Variants in PCDHGA10 observed in about 807,000 individuals in gnomAD.
PCDHGA10 encodes the protein protocadherin gamma subfamily A, 10.
PCDHGA10 carries 42 observed loss-of-function variants against 59.5 expected under a neutral mutation model. The ratio of observed to expected loss-of-function variants is 0.71; its 90% CI spans 0.55 to 0.91. The LOEUF is 0.91. Ranked by LOEUF, PCDHGA10 falls within the 40% of genes least tolerant of loss-of-function variation. PCDHGA10 has a pLI of 0.00. For missense variants in PCDHGA10, 1,111 were observed against 1,198.2 expected (o/e 0.93, Z 1.07); for synonymous variants, 511 against 517.2 (o/e 0.99, Z 0.16).
chr5:141,476,459 C>T lies in PCDHGA10; in HGVS notation c.2437-18348C>T. On this transcript the variant is annotated intron_variant, in intron 1 of 3. Coordinates refer to ENST00000398610, the MANE Select transcript of PCDHGA10 (RefSeq NM_018913.3). The surrounding 1 kb of genome is among the most constrained non-coding windows in gnomAD (Gnocchi z 7.6). ...AACTCTGGAGTTGGTAGTGGAGAACCCGCTGGAGCTGTTCAGCGTGGAAGT... is the reference window on the plus strand; with the variant it reads ...AACTCTGGAGTTGGTAGTGGAGAACTCGCTGGAGCTGTTCAGCGTGGAAGT... 6.2e-7 allele frequency: 1 copy of T among 1,614,048 alleles called. No individual in the cohort carries two copies. Among genetic ancestry groups the T allele is most frequent in the Non-Finnish European group, 8.5e-7 (1 of 1,180,006 alleles).
At position 141,494,693 on chromosome 5, in the gene PCDHGA10, G is replaced by A. The variant is rs2099756182; in HGVS notation, c.2437-114G>A. The A allele has an allele frequency of 5.0e-6, 8 of 1,585,786 alleles. No individual in the cohort carries two copies. In the South Asian group the frequency reaches 6.8e-5, roughly 13 times the overall value. ...GTCCACCCCTGCCCCCTCTTAGTCC[G>A]TTTTCTTCTCTGTGCCCACTCCCCT... is the stretch of plus-strand genomic sequence containing the variant. On this transcript the variant is annotated intron_variant, in intron 1 of 3. Transcript: ENST00000398610.
chr5:141,477,630 T>G lies in PCDHGA10; in HGVS notation c.2437-17177T>G. The G allele has an allele frequency of 6.2e-7, 1 of 1,614,228 alleles. No homozygotes were observed. The highest frequency in any genetic ancestry group is 8.5e-7 in the Non-Finnish European group (1 of 1,180,042). ...TTGGAGCAAGGAGCTGAAACCGGGC[T>G]AGTGGGTCGCTATTTCACAATAAAT... On this transcript the variant is annotated intron_variant, in intron 1 of 3. Coordinates refer to ENST00000398610, the MANE Select transcript of PCDHGA10 (RefSeq NM_018913.3). The surrounding 1 kb of genome is among the most constrained non-coding windows in gnomAD (Gnocchi z 4.9).
chr5:141,421,650 A>G, intron 1 of PCDHGA10: 1 of 1,613,868 alleles, frequency 6.2e-7, no homozygotes, highest in South Asian at 1.1e-5. Flanking sequence ...AAGTGGAGAT[A>G]AAAGTCAGTG....
In PCDHGA10 at chr5:141,511,829, G is replaced by A. The variant is rs1181369164; in HGVS notation, c.*656G>A. 1 of 156,774 alleles carries A rather than the reference G, an allele frequency of 6.4e-6. No individual in the cohort carries two copies. Among genetic ancestry groups the A allele is most frequent in the Non-Finnish European group, 1.4e-5 (1 of 70,652 alleles). The allele number at this position is 156,774 out of a possible 1,614,324, so 9.7% of individuals were successfully genotyped here. Reference sequence around the variant, plus strand: ...TACCAAGCCTCTTCCCAACGCCCTGGGGACCAGTCTTCTGTTTTGTTTTTC... The same window carrying A: ...TACCAAGCCTCTTCCCAACGCCCTGAGGACCAGTCTTCTGTTTTGTTTTTC... On this transcript the variant is annotated 3_prime_UTR_variant, in exon 4 of 4. Transcript: ENST00000398610.
chr5:141,438,789 G>C (rs970735448), intron 1 of PCDHGA10, among the ~76,000 whole-genome samples: 23 of 149,578 alleles, frequency 1.5e-4, no homozygotes, highest in African/African-American at 5.4e-4. Flanking sequence ...AGCCTCTCCA[G>C]TAGCTGGGAT....
intron 1 of PCDHGA10, among the ~76,000 whole-genome samples, chr5:141,453,258 T>A (rs1336801456): frequency 1.6e-4 from 25 of 152,096 alleles, no homozygotes; most frequent in Admixed American, 1.6e-3. Flanking sequence ...GGGCTGCAAG[T>A]GCACACCACC....
At chr5:141,484,120 C>A (rs1158603108) in intron 1 of PCDHGA10, among the ~76,000 whole-genome samples, 1 of 152,146 alleles carries the variant, frequency 6.6e-6, no homozygotes, top group African/African-American at 2.4e-5. Flanking sequence ...ATCAAGAATA[C>A]CTTGGTGTCA....
In PCDHGA10 at chr5:141,486,563, G is replaced by A. The variant is rs558244990; in HGVS notation, c.2437-8244G>A. The A allele has an allele frequency of 1.2e-6, 2 of 1,614,006 alleles. No homozygotes were observed. The highest frequency in any genetic ancestry group is 1.7e-6 in the Non-Finnish European group (2 of 1,180,036). On this transcript the variant is annotated intron_variant, in intron 1 of 3. Coordinates refer to ENST00000398610, the MANE Select transcript of PCDHGA10 (RefSeq NM_018913.3). The surrounding 1 kb of genome is among the most constrained non-coding windows in gnomAD (Gnocchi z 5.0). ...CTTTCAGAGGTCACATGAGGTGTTTGTTCCTGAGAACAATCGCCCAGGGGA... is the reference window on the plus strand; with the variant it reads ...CTTTCAGAGGTCACATGAGGTGTTTATTCCTGAGAACAATCGCCCAGGGGA...
In PCDHGA10 at chr5:141,413,075, AG is replaced by A. The variant is rs1225722826; in HGVS notation, c.-99del. On this transcript the variant is annotated 5_prime_UTR_variant, in exon 1 of 4. Coordinates refer to ENST00000398610, the MANE Select transcript of PCDHGA10 (RefSeq NM_018913.3). ...GCTCACTCCAGAATTTAAAGTGCCCAGGCTACAGAGACACCCTGAAGCCACA... is the reference window on the plus strand; with the variant it reads ...GCTCACTCCAGAATTTAAAGTGCCCAGCTACAGAGACACCCTGAAGCCACA... 8.8e-6 allele frequency: 11 copies of A among 1,246,492 alleles called. No individual in the cohort carries two copies. The highest frequency in any genetic ancestry group is 1.1e-5 in the Non-Finnish European group (10 of 906,800). 77.2% of individuals were successfully genotyped at this position (1,246,492 alleles called of 1,614,324 possible). A position where few individuals can be genotyped will look rare whatever the true frequency, so the allele number is the denominator to read the frequency against.
In PCDHGA10 at chr5:141,491,534, G is replaced by A. The variant is rs376996144; in HGVS notation, c.2437-3273G>A. On this transcript the variant is annotated intron_variant, in intron 1 of 3. Coordinates refer to ENST00000398610, the MANE Select transcript of PCDHGA10 (RefSeq NM_018913.3). This position sits in a 1 kb window ranked among gnomAD's most constrained non-coding sequence, Gnocchi z 6.9. The stretch of plus-strand genomic sequence containing the variant: ...CTCAAGTACATGGAGGTGACGCTGC[G>A]GCCCACAGACTCGCAGAGCCACTGC... The A allele has an allele frequency of 6.2e-7, 1 of 1,614,030 alleles. No homozygotes were observed. The highest frequency in any genetic ancestry group is 8.5e-7 in the Non-Finnish European group (1 of 1,180,028).
Position 141,432,433 on chromosome 5 carries a change from T to C in PCDHGA10, c.2436+16822T>C, listed in dbSNP as rs760107558. 10 of 1,613,996 alleles carry C rather than the reference T, an allele frequency of 6.2e-6. No individual in the cohort carries two copies. The South Asian group carries it at 8.8e-5, about 14-fold the overall frequency. ...TGTTCGTGCTGGACCAGAACGACAA[T>C]GCGCCCGAGATCCTGTACCCCGCCC... On this transcript the variant is annotated intron_variant, in intron 1 of 3. Transcript: ENST00000398610. This position sits in a 1 kb window ranked among gnomAD's most constrained non-coding sequence, Gnocchi z 6.0.
rs767330174 is a variant in PCDHGA10, at chr5:141,491,818, C to T, written c.2437-2989C>T. The T allele has an allele frequency of 1.6e-5, 24 of 1,481,560 alleles. No homozygotes were observed. The highest frequency in any genetic ancestry group is 1.9e-5 in the Non-Finnish European group (21 of 1,116,446). 91.8% of individuals were successfully genotyped at this position (1,481,560 alleles called of 1,614,324 possible). A position where few individuals can be genotyped will look rare whatever the true frequency, so the allele number is the denominator to read the frequency against. On this transcript the variant is annotated intron_variant, in intron 1 of 3. Transcript: ENST00000398610. This position sits in a 1 kb window ranked among gnomAD's most constrained non-coding sequence, Gnocchi z 6.9. ...CTCCGGCCGGCTTGGTCGCTGGCTGCGCTCCACCCGATTCTCGGGATCATT... is the reference window on the plus strand; with the variant it reads ...CTCCGGCCGGCTTGGTCGCTGGCTGTGCTCCACCCGATTCTCGGGATCATT...
intron 1 of PCDHGA10, among the ~76,000 whole-genome samples, chr5:141,456,379 C>A (rs181915740): frequency 1.3e-5 from 2 of 152,162 alleles, no homozygotes; most frequent in East Asian, 3.9e-4. Context: ...GTTTACAGCA[C>A]CGTTTGGAGT....
At chr5:141,456,342 G>A (rs1439003615) in intron 1 of PCDHGA10, among the ~76,000 whole-genome samples, 1 of 152,114 alleles carries the variant, frequency 6.6e-6, no homozygotes, top group African/African-American at 2.4e-5. Context: ...AAGGGTCCTC[G>A]GAAGAATGGC....
chr5:141,451,322 T>C (rs1452969719), intron 1 of PCDHGA10, among the ~76,000 whole-genome samples: 1 of 152,236 alleles, frequency 6.6e-6, no homozygotes, highest in African/African-American at 2.4e-5. Flanking sequence ...AAGTGTCACC[T>C]AAGGCTATTG....
intron 1 of PCDHGA10, chr5:141,441,665 A>ACAGTG (rs936537442): frequency 7.5e-6 from 2 of 265,720 alleles, no homozygotes; most frequent in African/African-American, 4.7e-5. Flanking sequence ...CCTTGAGCGC[A>ACAGTG]CAGTGCGCCT....
In PCDHGA10 at chr5:141,487,844, A is replaced by T; in HGVS notation, c.2437-6963A>T. The T allele has an allele frequency of 1.9e-6, 2 of 1,043,194 alleles. No individual in the cohort carries two copies. The highest frequency in any genetic ancestry group is 2.7e-6 in the Non-Finnish European group (2 of 730,908). The allele number at this position is 1,043,194 out of a possible 1,614,324, so 64.6% of individuals were successfully genotyped here. ...CGGGTCATGCCTATATCTGAGTAAG[A>T]AATGAAAGTAATTGGTGATCAAGAG... On this transcript the variant is annotated intron_variant, in intron 1 of 3. Transcript: ENST00000398610. This position sits in a 1 kb window ranked among gnomAD's most constrained non-coding sequence, Gnocchi z 5.0.
chr5:141,432,873 T>G lies in PCDHGA10; in HGVS notation c.2436+17262T>G, dbSNP rs753576338. The stretch of plus-strand genomic sequence containing the variant: ...GTGGCCGCGGTCTCCTGCGTCTTCC[T>G]GGCCTTCGTCATCTTGCTGCTGGCG... On this transcript the variant is annotated intron_variant, in intron 1 of 3. Transcript: ENST00000398610. This position sits in a 1 kb window ranked among gnomAD's most constrained non-coding sequence, Gnocchi z 6.0. 4 of 1,614,204 alleles carry G rather than the reference T, an allele frequency of 2.5e-6. No homozygotes were observed. The highest frequency in any genetic ancestry group is 3.4e-6 in the Non-Finnish European group (4 of 1,180,014).
chr5:141,502,500 G>C (rs1398797155), intron 2 of PCDHGA10, among the ~76,000 whole-genome samples: 1 of 152,046 alleles, frequency 6.6e-6, no homozygotes, highest in Non-Finnish European at 1.5e-5. Flanking sequence ...ATCTAACGTC[G>C]GCCTGTCCCA....
Sources: gnomAD v4.1 joint callset for allele counts (sites outside exome capture counted in the v4.1 genomes callset) on GRCh38, gnomAD v4.1.1 for gene constraint, Gnocchi (gnomAD v3.1) non-coding constraint, MANE v1.5 for transcripts, NCBI Gene and HGNC (gene_info 2026-07-23, HGNC 2026-07-21) for gene names.